LINGO1: variants seen among roughly 807,000 people sequenced by gnomAD.
LINGO1 encodes leucine-rich repeat and immunoglobulin-like domain-containing nogo receptor-interacting protein 1.
Under a neutral mutation model 37.3 loss-of-function variants are expected in LINGO1, and 11 were observed. That is an observed-to-expected ratio of 0.29 (90% CI 0.19 to 0.49). The LOEUF (loss-of-function observed/expected upper bound fraction) is 0.49. Among genes scored for constraint, LINGO1 ranks in the 20% least tolerant of loss-of-function variants. LINGO1 has a pLI of 0.99. For synonymous variants in LINGO1, 387 were observed against 403.0 expected, an observed-to-expected ratio of 0.96 and a Z score of 0.48; for missense variants, 585 against 878.2, an observed-to-expected ratio of 0.67 and a Z score of 4.22.
At chr15:77,672,006 T>G (rs936513636) in intron 3 of LINGO1, among the ~76,000 whole-genome samples, 5 of 148,534 alleles carry the variant, frequency 3.4e-5, no homozygotes, top group Admixed American at 6.8e-5. Flanking sequence ...CTCTGCCTCC[T>G]CCTCCTCCTC....
intron 3 of LINGO1, among the ~76,000 whole-genome samples, chr15:77,641,231 T>C (rs1484865342): frequency 6.6e-6 from 1 of 152,092 alleles, no homozygotes; most frequent in Non-Finnish European, 1.5e-5. Context: ...CTCGCCCAGG[T>C]AGGGTGGCTG....
At chr15:77,771,019 C>G (rs1423716648) in intron 1 of LINGO1, among the ~76,000 whole-genome samples, 1 of 152,208 alleles carries the variant, frequency 6.6e-6, no homozygotes, top group Non-Finnish European at 1.5e-5. Flanking sequence ...CAACACCTCT[C>G]CACACACCAG....
chr15:77,666,500 C>T (rs537446206), intron 3 of LINGO1, among the ~76,000 whole-genome samples: 7 of 152,238 alleles, frequency 4.6e-5, no homozygotes, highest in African/African-American at 1.7e-4. Flanking sequence ...CCTCTGCCTG[C>T]CCTGGGGAGC....
At chr15:77,626,203 T>C (rs2074085179) in intron 1 of LINGO1, among the ~76,000 whole-genome samples, 1 of 152,138 alleles carries the variant, frequency 6.6e-6, no homozygotes, top group African/African-American at 2.4e-5. Flanking sequence ...CGCGGCCACT[T>C]TCTCTCCCCA....
At chr15:77,699,097 C>T (rs1209354220), upstream of LINGO1, among the ~76,000 whole-genome samples, 1 of 152,104 alleles carries the variant, frequency 6.6e-6, no homozygotes, top group Non-Finnish European at 1.5e-5. Flanking sequence ...ACGACAGGAG[C>T]TGCTGGTCAA....
At chr15:77,646,187 A>C (rs970310470) in intron 3 of LINGO1, among the ~76,000 whole-genome samples, 1 of 152,238 alleles carries the variant, frequency 6.6e-6, no homozygotes, top group African/African-American at 2.4e-5. Flanking sequence ...GTAGTAAAAT[A>C]GTCAGTAAAG....
intron 1 of LINGO1, among the ~76,000 whole-genome samples, chr15:77,617,329 G>A (rs2073762117): frequency 6.6e-6 from 1 of 152,110 alleles, no homozygotes; most frequent in Non-Finnish European, 1.5e-5. Context: ...GGGTGAGTAG[G>A]GGGGTTGGGG....
At chr15:77,638,529 G>A (rs1350824541), upstream of LINGO1, among the ~76,000 whole-genome samples, 4 of 152,200 alleles carry the variant, frequency 2.6e-5, no homozygotes, top group Non-Finnish European at 5.9e-5. Flanking sequence ...CATGTCAGGG[G>A]GAATTTGAGC....
chr15:77,663,965 T>G (rs552470587), intron 3 of LINGO1, among the ~76,000 whole-genome samples: 2 of 152,120 alleles, frequency 1.3e-5, no homozygotes, highest in African/African-American at 4.8e-5. Flanking sequence ...GCAGAGCCCC[T>G]CTGGCAGAGG....
chr15:77,794,588 ATAT>A (rs1288022076), intron 2 of LINGO1, among the ~76,000 whole-genome samples: 1,193 of 39,438 alleles, frequency 0.03, 44 homozygotes, highest in African/African-American at 0.049. Flanking sequence ...ATATATATAT[ATAT>A]TTTTTTTTTT....
intron 2 of LINGO1, among the ~76,000 whole-genome samples, chr15:77,718,103 C>A (rs995651275): frequency 6.6e-6 from 1 of 150,806 alleles, no homozygotes; most frequent in Non-Finnish European, 1.5e-5. Flanking sequence ...GAGCAGGGCT[C>A]CCAGCCCAGG....
intron 3 of LINGO1, among the ~76,000 whole-genome samples, chr15:77,664,464 A>G (rs1322154617): frequency 6.6e-6 from 1 of 151,886 alleles, no homozygotes; most frequent in Non-Finnish European, 1.5e-5. Context: ...CACTCCTGAC[A>G]TCTCCTTTCG....
At position 77,810,346 on chromosome 15, in the gene LINGO1, G is replaced by GCACGCACA. The variant is rs149243595; in HGVS notation, c.-458+9911_-458+9912insTGTGCGTG. Among the ~76,000 whole-genome samples the GCACGCACA allele has an allele frequency of 5.5e-3, 819 of 148,976 alleles. 9 individuals carry two copies. Among genetic ancestry groups the GCACGCACA allele is most frequent in the African/African-American group, 0.02 (786 of 40,236 alleles). ...CATACACATGCACACACACACACAT[G>GCACGCACA]CACACACACACACACAGAGGAATCT... is the stretch of plus-strand genomic sequence containing the variant. On this transcript the variant is annotated intron_variant, in intron 1 of 5. Coordinates refer to the LINGO1 transcript ENST00000562933.
chr15:77,703,583 A>G (rs2075812223), intron 2 of LINGO1, among the ~76,000 whole-genome samples: 1 of 152,206 alleles, frequency 6.6e-6, no homozygotes, highest in Non-Finnish European at 1.5e-5. Context: ...GCAAAGGAAG[A>G]AATGCTTGTG....
At chr15:77,808,172 CCT>C (rs2076975725) in intron 1 of LINGO1, among the ~76,000 whole-genome samples, 1 of 152,124 alleles carries the variant, frequency 6.6e-6, no homozygotes, top group Admixed American at 6.5e-5. Context: ...ACAATTCTCC[CCT>C]GTTCAAAATC....
chr15:77,640,427 T>C (rs894122871), intron 3 of LINGO1, among the ~76,000 whole-genome samples: 6 of 152,190 alleles, frequency 3.9e-5, no homozygotes, highest in Admixed American at 3.3e-4. Context: ...AGGATATTAC[T>C]TGAGCACCTC....
upstream of LINGO1, among the ~76,000 whole-genome samples, chr15:77,633,981 C>A (rs2074342406): frequency 6.6e-6 from 1 of 152,196 alleles, no homozygotes; most frequent in African/African-American, 2.4e-5. Flanking sequence ...GCTGACACCG[C>A]CCGGCACGGC....
chr15:77,813,023 C>T (rs1156736316), intron 1 of LINGO1, among the ~76,000 whole-genome samples: 2 of 152,196 alleles, frequency 1.3e-5, no homozygotes, highest in African/African-American at 4.8e-5. Flanking sequence ...CCTAGTTGGC[C>T]CCCAGGCACG....
At chr15:77,654,812 G>C (rs754652760) in intron 3 of LINGO1, among the ~76,000 whole-genome samples, 4 of 152,158 alleles carry the variant, frequency 2.6e-5, no homozygotes, top group Non-Finnish European at 5.9e-5. Context: ...CTACTTCCCT[G>C]GTTATTGTAA....
Sources: gnomAD v4.1 joint callset for allele counts (sites outside exome capture counted in the v4.1 genomes callset) on GRCh38, gnomAD v4.1.1 for gene constraint, MANE v1.5 for transcripts, NCBI Gene and HGNC (gene_info 2026-07-23, HGNC 2026-07-21) for gene names.